GIPR: variants seen among roughly 807,000 people sequenced by gnomAD.
GIPR encodes the protein gastric inhibitory polypeptide receptor.
Under a neutral mutation model 62.2 loss-of-function variants are expected in GIPR, and 74 were observed. That is an observed-to-expected ratio of 1.19 (90% confidence interval 0.99 to 1.44). The LOEUF is 1.44. Among genes scored for constraint, GIPR ranks in the 40% most tolerant of loss-of-function variants. The probability of loss-of-function intolerance (pLI) is 0.00; values close to 1 mark genes in which losing one functional copy is unlikely to be tolerated. For missense variants in GIPR, 664 were observed against 611.8 expected (o/e 1.09, Z -0.90); for synonymous variants, 256 against 262.2 (o/e 0.98, Z 0.23).
intron 1 of GIPR, among the ~76,000 whole-genome samples, chr19:45,668,843 G>T (rs937956130): frequency 6.6e-6 from 1 of 152,212 alleles, no homozygotes; most frequent in African/African-American, 2.4e-5. Context: ...GCTGGGAAAG[G>T]GTTGTTCCAC....
chr19:45,676,846 T>A, intron 7 of GIPR, 103 bp from the exon 8 acceptor site: 1 of 1,046,380 alleles, frequency 9.6e-7, no homozygotes, highest in Non-Finnish European at 1.5e-6. Context: ...TGGAAGAACC[T>A]TTGATGGCAA....
chr19:45,680,514 A>G (rs1409927656), intron 12 of GIPR, among the ~76,000 whole-genome samples: 3 of 152,130 alleles, frequency 2.0e-5, no homozygotes, highest in Non-Finnish European at 4.4e-5. Context: ...AGCCTGGGTG[A>G]CAGAGCCAGA....
At chr19:45,680,519 G>T (rs1473324561) in intron 12 of GIPR, among the ~76,000 whole-genome samples, 1 of 151,978 alleles carries the variant, frequency 6.6e-6, no homozygotes, top group Non-Finnish European at 1.5e-5. Flanking sequence ...GGGTGACAGA[G>T]CCAGACCCTG....
intron 7 of GIPR, among the ~76,000 whole-genome samples, chr19:45,675,566 C>A: frequency 8.1e-6 from 1 of 123,468 alleles, no homozygotes; most frequent in Non-Finnish European, 1.6e-5. Context: ...CAGAGCAAGA[C>A]TCCATCGCAA....
chr19:45,669,106 C>T (rs968794687), intron 1 of GIPR, among the ~76,000 whole-genome samples: 1 of 127,446 alleles, frequency 7.8e-6, no homozygotes, highest in African/African-American at 3.1e-5. Flanking sequence ...CAAGGCGGTC[C>T]CCGGGTTCCC....
intron 3 of GIPR, among the ~76,000 whole-genome samples, chr19:45,671,020 G>A (rs768229098): frequency 2.0e-5 from 3 of 151,604 alleles, no homozygotes; most frequent in Non-Finnish European, 4.4e-5. Context: ...TTCCGGGTGG[G>A]ACGATCTGGG....
chr19:45,680,426 C>T (rs370196209), intron 12 of GIPR, among the ~76,000 whole-genome samples: 1 of 151,970 alleles, frequency 6.6e-6, no homozygotes, highest in South Asian at 2.1e-4. Context: ...ACTCTGGAGG[C>T]TGAAGTGGGA....
intron 12 of GIPR, among the ~76,000 whole-genome samples, chr19:45,678,744 C>T (rs774661996): frequency 1.6e-4 from 25 of 152,354 alleles, no homozygotes; most frequent in African/African-American, 4.8e-4. Context: ...AGGAGATTGG[C>T]GGCCCCAGCA....
chr19:45,678,284 G>C (rs1029531599), intron 12 of GIPR, 58 bp downstream of exon 12: 107 of 1,532,382 alleles, frequency 7.0e-5, no homozygotes, highest in Non-Finnish European at 9.0e-5. Context: ...TCCCCAGAGG[G>C]GCACGAAAGC....
At chr19:45,681,111 C>T (rs1159778189) in intron 12 of GIPR, among the ~76,000 whole-genome samples, 1 of 152,066 alleles carries the variant, frequency 6.6e-6, no homozygotes, top group Non-Finnish European at 1.5e-5. Flanking sequence ...AAGCCAGGAA[C>T]CAGTGAAAAG....
chr19:45,679,354 C>T (rs923545932), intron 12 of GIPR, among the ~76,000 whole-genome samples: 2 of 151,760 alleles, frequency 1.3e-5, no homozygotes, highest in Non-Finnish European at 2.9e-5. Flanking sequence ...TGGTGGCGGC[C>T]GCCTGTAATC....
intron 7 of GIPR, among the ~76,000 whole-genome samples, 184 bp from the exon 8 acceptor site, chr19:45,676,765 A>G: frequency 6.6e-6 from 1 of 152,122 alleles, no homozygotes; most frequent in East Asian, 1.9e-4. Context: ...TCAGAGTGGG[A>G]GAGTCCATAC....
chr19:45,673,536 C>T (rs1975660898), intron 5 of GIPR, among the ~76,000 whole-genome samples: 1 of 151,748 alleles, frequency 6.6e-6, no homozygotes, highest in African/African-American at 2.4e-5. Context: ...TTGAGACCAG[C>T]CTGGGTAACA....
chr19:45,668,939 G>C (rs771849244), intron 1 of GIPR, among the ~76,000 whole-genome samples: 6 of 152,228 alleles, frequency 3.9e-5, no homozygotes, highest in Non-Finnish European at 5.9e-5. Context: ...TGGGCTTGGA[G>C]AGTGGGAGCT....
rs565946055 is a variant in GIPR at position 45,677,553 on chromosome 19, G to A, written c.855-157G>A. ...GGAAAGGTTGTGTTCCAGGGCAATC[G>A]GCAAGGGGAGGGGGTGGGGCCTGGA... is the stretch of plus-strand genomic sequence containing the variant. On this transcript the variant is annotated intron_variant, in intron 9 of 13. Transcript: ENST00000590918. 93 of 842,356 alleles carry A rather than the reference G, an allele frequency of 1.1e-4. No homozygotes were observed. The Admixed American group carries it at 1.6e-3, about 14-fold the overall frequency. The allele number at this position is 842,356 out of a possible 1,614,324, so 52.2% of individuals were successfully genotyped here.
At chr19:45,680,690 G>A (rs1765575744) in intron 12 of GIPR, among the ~76,000 whole-genome samples, 1 of 151,922 alleles carries the variant, frequency 6.6e-6, no homozygotes, top group African/African-American at 2.4e-5. Flanking sequence ...AATTAGCTAG[G>A]CGTGGGGGCG....
chr19:45,673,419 CAAA>C (rs71175203), intron 5 of GIPR, among the ~76,000 whole-genome samples: 4,728 of 82,420 alleles, frequency 0.057, 183 homozygotes, highest in African/African-American at 0.2. Context: ...GACTCCATCT[CAAA>C]AAAAAAAAAA....
rs1975619586 is a variant in GIPR, at chr19:45,672,957, A to G, written c.384+3A>G. On this transcript the variant is annotated splice_donor_region_variant and intron_variant, in intron 5 of 13. Transcript: ENST00000590918. ...CAGAGAAGAATGAGGCCTTTCTGGT[A>G]AGAAGAGGTGAGGGCTTCAGGTTAG... 6.5e-7 allele frequency: 1 copy of G among 1,542,558 alleles called. No homozygotes were observed. The highest frequency in any genetic ancestry group is 9.0e-7 in the Non-Finnish European group (1 of 1,114,648).
rs1166546349 is a variant in GIPR at position 45,681,835 on chromosome 19, G to C, written c.1301G>C (p.Gly434Ala). The C allele has an allele frequency of 1.3e-6, 2 of 1,554,932 alleles. No homozygotes were observed. The highest frequency in any genetic ancestry group is 1.4e-5 in the African/African-American group (1 of 73,536). The change falls in exon 14 of 14, where the codon GGC becomes GCC. Residue 434 changes from glycine to alanine, a missense_variant. Physicochemically the swap from Gly to Ala is moderately conservative, Grantham distance 60 (BLOSUM62 0). Transcript: ENST00000590918. ...CGCGCCTTCCGGGCCCTGCCCTCCG[G>C]CTCCGGCCCGGGCGAGGTCCCCACC... ...PERAFRALPS[G>A]SGPGEVPTSR...
Sources: allele counts gnomAD v4.1 joint callset (sites outside exome capture counted in the v4.1 genomes callset), GRCh38; gene constraint gnomAD v4.1.1; transcripts MANE v1.5; gene names NCBI Gene and HGNC (gene_info 2026-07-23, HGNC 2026-07-21).